Variants in SMARCA4 observed in about 807,000 individuals in gnomAD.
SMARCA4 encodes the protein SWI/SNF-related matrix-associated actin-dependent regulator of chromatin subfamily A member 4.
A neutral mutation model predicts 193.9 loss-of-function variants in SMARCA4; 31 were observed. The ratio of observed to expected loss-of-function variants is 0.16; its 90% confidence interval spans 0.12 to 0.22. The LOEUF is 0.22. SMARCA4 is among the 10% of genes least tolerant of loss of function. The probability of loss-of-function intolerance (pLI) is 1.00; values close to 1 mark genes in which losing one functional copy is unlikely to be tolerated. For synonymous variants in SMARCA4, 942 were observed against 933.1 expected (o/e 1.01, Z -0.17); for missense variants, 1,148 against 2,296.0 (o/e 0.50, Z 10.22).
chr19:11,047,899 C>T (rs192255738), intron 30 of SMARCA4: 254 of 152,374 alleles, frequency 1.7e-3, no homozygotes, highest in Non-Finnish European at 2.5e-3. Flanking sequence ...ACTCAGAGAT[C>T]ACCTCCCAGG....
intron 30 of SMARCA4, chr19:11,056,160 G>A (rs898136573): frequency 1.3e-5 from 2 of 152,184 alleles, no homozygotes; most frequent in Non-Finnish European, 1.5e-5. Context: ...CGCTCTGCCC[G>A]AGCTGCAGAT....
In SMARCA4 at chr19:10,994,921, G is replaced by A. The variant is rs1555762079; in HGVS notation, c.1513G>A (p.Ala505Thr). The part of the protein sequence containing the change: ...GKIQKLTKAV[A>T]TYHANTEREQ... Reference sequence around the variant, plus strand: ...AATCCAGAAGCTGACCAAGGCAGTGGCCACGTACCATGCCAACACGGAGCG... The same window carrying A: ...AATCCAGAAGCTGACCAAGGCAGTGACCACGTACCATGCCAACACGGAGCG... Residue 505 changes from alanine to threonine, a missense_variant, in exon 9 of 35, where the codon GCC becomes ACC. By Grantham distance (58) the Ala-to-Thr change is moderately conservative. This residue lies in a region of SMARCA4 where 69 missense variants were observed against 186.9 expected (regional missense o/e 0.37). Coordinates refer to ENST00000344626, the MANE Select transcript of SMARCA4 (RefSeq NM_003072.5). 6.2e-7 allele frequency: 1 copy of A among 1,614,138 alleles called. No individual in the cohort carries two copies. The highest frequency in any genetic ancestry group is 8.5e-7 in the Non-Finnish European group (1 of 1,179,984).
At chr19:11,011,059 CTCT>C in intron 15 of SMARCA4, 1 of 218,706 alleles carries the variant, frequency 4.6e-6, no homozygotes, top group Non-Finnish European at 9.4e-6. Flanking sequence ...AAGTTGGTGG[CTCT>C]GAAGCTCTTC....
rs2147157395 is a variant in SMARCA4, at chr19:11,061,771, G to A, written c.4912-13G>A. ...TGGCCAACGCACACTCTCTCCTCCT[G>A]TCCCCTCTCCAGGACCGCTCAGGAA... On this transcript the variant is annotated splice_polypyrimidine_tract_variant and intron_variant, in intron 34 of 34. Transcript: ENST00000344626. 2 of 1,613,322 alleles carry A rather than the reference G, an allele frequency of 1.2e-6. No individual in the cohort carries two copies. Among genetic ancestry groups the A allele is most frequent in the Non-Finnish European group, 1.7e-6 (2 of 1,179,872 alleles).
intron 11 of SMARCA4, among the ~76,000 whole-genome samples, chr19:11,002,346 A>C (rs1034667262): frequency 7.2e-5 from 11 of 152,118 alleles, no homozygotes; most frequent in African/African-American, 2.2e-4. Flanking sequence ...GGGCATGGTG[A>C]TGGGCACCTG....
At chr19:11,044,206 C>G (rs550529316) in intron 30 of SMARCA4, among the ~76,000 whole-genome samples, 32 of 152,192 alleles carry the variant, frequency 2.1e-4, no homozygotes, top group African/African-American at 7.7e-4. Context: ...CACGCACACA[C>G]CATGCACTTG....
rs1452246167 is a variant in SMARCA4 at position 11,060,195 on chromosome 19, C to T, written c.4911+8C>T. On this transcript the variant is annotated splice_region_variant and intron_variant, in intron 34 of 34. Transcript: ENST00000344626. ...GAGGAGGAACAAGAGGAGGTGAGGC[C>T]GGGCCCCCGAGCAGGCAGAGCTGGC... 9.7e-6 allele frequency: 15 copies of T among 1,550,588 alleles called. No homozygotes were observed. In the East Asian group the frequency reaches 1.2e-4, roughly 13 times the overall value.
At chr19:11,046,228 A>G (rs2075906852) in intron 30 of SMARCA4, among the ~76,000 whole-genome samples, 1 of 152,162 alleles carries the variant, frequency 6.6e-6, no homozygotes, top group Admixed American at 6.5e-5. Flanking sequence ...GTCTCAAAAA[A>G]AAAAAAAAAA....
In SMARCA4 at chr19:11,028,595, A is replaced by G. The variant is rs2090424290; in HGVS notation, c.3382+645A>G. On this transcript the variant is annotated intron_variant, in intron 24 of 34. Transcript: ENST00000344626. ...AGGGAAGCAAGCACTGCCAGGCAGG[A>G]GCAGCAGCTGCCGTAGAGAGGCTCT... is the stretch of plus-strand genomic sequence containing the variant. Among the ~76,000 whole-genome samples the G allele has an allele frequency of 3.3e-5, 5 of 152,330 alleles. 1 individual carries two copies. In the South Asian group the frequency reaches 1.0e-3, roughly 32 times the overall value.
chr19:11,014,007 G>A (rs1165586157), intron 16 of SMARCA4, among the ~76,000 whole-genome samples: 1 of 152,150 alleles, frequency 6.6e-6, no homozygotes, highest in Non-Finnish European at 1.5e-5. Context: ...AAAGCCCCAG[G>A]GCCGGCTCTT....
intron 34 of SMARCA4, chr19:11,060,469 A>C (rs988197351): frequency 1.9e-6 from 1 of 529,254 alleles, no homozygotes; most frequent in African/African-American, 1.9e-5. Context: ...AGGCGGTCCC[A>C]GGGCACCAGG....
chr19:10,987,932 C>CG lies in SMARCA4; in HGVS notation c.1118+12dup. The CG allele has an allele frequency of 6.2e-7, 1 of 1,611,926 alleles. No individual in the cohort carries two copies. Among genetic ancestry groups the CG allele is most frequent in the Non-Finnish European group, 8.5e-7 (1 of 1,179,794 alleles). On this transcript the variant is annotated intron_variant, in intron 6 of 34. Transcript: ENST00000344626. The surrounding 1 kb of genome is among the most constrained non-coding windows in gnomAD (Gnocchi z 5.3). ...GCAGGAGCGCGAGTACAGGTGAGGGCGGGGCCCAGTTGCCAAGGTCACTGC... is the reference window on the plus strand; with the variant it reads ...GCAGGAGCGCGAGTACAGGTGAGGGCGGGGGCCCAGTTGCCAAGGTCACTGC...
Position 11,013,044 on chromosome 19 carries a change from C to T in SMARCA4, c.2370C>T (p.Ile790=), listed in dbSNP as rs144693208. Residue 790 remains isoleucine (I), a synonymous_variant, in exon 16 of 35, where the codon ATC becomes ATT. Coordinates refer to ENST00000344626, the MANE Select transcript of SMARCA4 (RefSeq NM_003072.5). Reference sequence around the variant, plus strand: ...GCCTGGGGAAGACCATCCAGACCATCGCGCTCATCACGTACCTCATGGAGC... The same window carrying T: ...GCCTGGGGAAGACCATCCAGACCATTGCGCTCATCACGTACCTCATGGAGC... The part of the protein sequence containing the change: ...EMGLGKTIQT[I]ALITYLMEHK... The T allele has an allele frequency of 1.3e-5, 21 of 1,614,162 alleles. No individual in the cohort carries two copies. The highest frequency in any genetic ancestry group is 8.8e-5 in the South Asian group (8 of 91,084).
At chr19:11,018,185 G>A (rs1164125401) in intron 16 of SMARCA4, 5 of 156,996 alleles carry the variant, frequency 3.2e-5, no homozygotes, top group African/African-American at 9.6e-5. Flanking sequence ...CTGTCTTTAC[G>A]GACCACCCCG....
At chr19:11,047,017 G>A (rs540759526) in intron 30 of SMARCA4, among the ~76,000 whole-genome samples, 2 of 151,144 alleles carry the variant, frequency 1.3e-5, no homozygotes, top group South Asian at 4.2e-4. Flanking sequence ...CATGATGTTT[G>A]GGTACAAAAT....
At chr19:10,977,451 G>T (rs1029369235) in intron 1 of SMARCA4, among the ~76,000 whole-genome samples, 1 of 151,980 alleles carries the variant, frequency 6.6e-6, no homozygotes, top group Non-Finnish European at 1.5e-5. Flanking sequence ...AGCCTCCCGA[G>T]TAGCTGGCAT....
chr19:11,002,267 C>T (rs930411117), intron 11 of SMARCA4, among the ~76,000 whole-genome samples: 1 of 151,406 alleles, frequency 6.6e-6, no homozygotes, highest in Non-Finnish European at 1.5e-5. Flanking sequence ...ATCACGAGGT[C>T]AGGAGATCGA....
chr19:10,973,655 C>T (rs1299152917), intron 1 of SMARCA4, among the ~76,000 whole-genome samples: 4 of 151,324 alleles, frequency 2.6e-5, no homozygotes, highest in East Asian at 1.9e-4. Flanking sequence ...CTGCAAGCTC[C>T]GCCTCCCGGG....
chr19:11,004,306 G>A (rs1273336550), intron 13 of SMARCA4, among the ~76,000 whole-genome samples: 13 of 148,740 alleles, frequency 8.7e-5, no homozygotes, highest in Non-Finnish European at 1.6e-4. Flanking sequence ...ATGGAGTGCA[G>A]TGGCGCGATC....
Sources: gnomAD v4.1 joint callset for allele counts (sites outside exome capture counted in the v4.1 genomes callset) on GRCh38, gnomAD v4.1.1 for gene constraint, gnomAD v4.1.1 regional missense constraint, Gnocchi (gnomAD v3.1) non-coding constraint, MANE v1.5 for transcripts, NCBI Gene and HGNC (gene_info 2026-07-23, HGNC 2026-07-21) for gene names.